MYO9B: variants seen among roughly 807,000 people sequenced by gnomAD.
MYO9B encodes myosin IXB, also known as unconventional myosin-IXb.
A neutral mutation model predicts 229.5 loss-of-function variants in MYO9B; 71 were observed. The ratio of observed to expected loss-of-function variants is 0.31; its 90% confidence interval spans 0.26 to 0.38. The LOEUF (loss-of-function observed/expected upper bound fraction) is 0.38. Among genes scored for constraint, MYO9B ranks in the 10% least tolerant of loss-of-function variants. The pLI is 1.00. For missense variants in MYO9B, 2,255 were observed against 2,920.5 expected (o/e 0.77, Z 5.25); for synonymous variants, 1,185 against 1,235.8 (o/e 0.96, Z 0.86).
intron 2 of MYO9B, among the ~76,000 whole-genome samples, chr19:17,116,820 G>A (rs1344697271): frequency 1.3e-5 from 2 of 152,050 alleles, no homozygotes; most frequent in Non-Finnish European, 2.9e-5. Context: ...AGGCTGCATT[G>A]ACCCCCAGGT....
At position 17,207,152 on chromosome 19, in the gene MYO9B, G is replaced by A; in HGVS notation, c.5532G>A (p.Gly1844=). ...AGGATGTCAACCGCATGTCACCTGG[G>A]GCGCTGGCCATTATCTTCGCACCCT... ...LLEDVNRMSP[G]ALAIIFAPCL... is the part of the protein sequence containing the mutation. Residue 1844 remains glycine (G), a synonymous_variant, in exon 35 of 40, where the codon GGG becomes GGA. Coordinates refer to ENST00000682292, the MANE Select transcript of MYO9B (RefSeq NM_004145.4). 6.2e-7 allele frequency: 1 copy of A among 1,609,038 alleles called. No individual in the cohort carries two copies. The highest frequency in any genetic ancestry group is 8.5e-7 in the Non-Finnish European group (1 of 1,178,572).
At chr19:17,156,281 G>A (rs931434416) in intron 6 of MYO9B, among the ~76,000 whole-genome samples, 9 of 152,022 alleles carry the variant, frequency 5.9e-5, no homozygotes, top group African/African-American at 1.9e-4. Context: ...AGGCATGGTG[G>A]TACAAACCTG....
At chr19:17,204,770 G>A (rs1258573434) in intron 30 of MYO9B, among the ~76,000 whole-genome samples, 1 of 152,034 alleles carries the variant, frequency 6.6e-6, no homozygotes, top group African/African-American at 2.4e-5. Context: ...GGAGGTCAAG[G>A]CTCCAGTGAG....
intron 2 of MYO9B, among the ~76,000 whole-genome samples, chr19:17,110,730 G>A (rs375703041): frequency 2.0e-4 from 31 of 152,248 alleles, no homozygotes; most frequent in African/African-American, 7.0e-4. Context: ...AGTGGGACAC[G>A]GTGACAGTGA....
chr19:17,091,037 T>C (rs1159323326), intron 1 of MYO9B, among the ~76,000 whole-genome samples: 1 of 152,164 alleles, frequency 6.6e-6, no homozygotes, highest in Non-Finnish European at 1.5e-5. Context: ...GAGAACATTC[T>C]CTGAAGCTCT....
chr19:17,198,785 C>G (rs912285217), intron 24 of MYO9B, among the ~76,000 whole-genome samples: 1 of 150,430 alleles, frequency 6.6e-6, no homozygotes, highest in African/African-American at 2.4e-5. Context: ...CTTCCTGCCT[C>G]TTCTGGCTTT....
chr19:17,093,630 ACTC>A lies in MYO9B; in HGVS notation c.-58-8027_-58-8025del, dbSNP rs1439856534. Among the ~76,000 whole-genome samples, 5 of 146,732 alleles carry A rather than the reference ACTC, an allele frequency of 3.4e-5. No individual in the cohort carries two copies. The East Asian group carries it at 1.0e-3, about 30-fold the overall frequency. On this transcript the variant is annotated intron_variant, in intron 1 of 39. Coordinates refer to ENST00000682292, the MANE Select transcript of MYO9B (RefSeq NM_004145.4). ...AGAGTAAGAAGTTTTAGAAAGATAA[ACTC>A]CTGGGGAAATGGGATCTTTTAAATC...
chr19:17,201,193 A>G (rs1399057069), intron 26 of MYO9B, among the ~76,000 whole-genome samples: 1 of 152,236 alleles, frequency 6.6e-6, no homozygotes, highest in African/African-American at 2.4e-5. Context: ...CGATCGCAGC[A>G]CTGCACTCCA....
At chr19:17,200,889 G>GC (rs2073099901) in intron 26 of MYO9B, 60 bp downstream of exon 26, 4 of 1,555,166 alleles carry the variant, frequency 2.6e-6, no homozygotes, top group Non-Finnish European at 3.5e-6. Context: ...AACCATCACA[G>GC]CCAGGCATTG....
At chr19:17,166,501 T>G (rs76128876) in intron 10 of MYO9B, among the ~76,000 whole-genome samples, 13 of 150,728 alleles carry the variant, frequency 8.6e-5, no homozygotes, top group Admixed American at 2.0e-4. Context: ...ATATTTATGT[T>G]TTTTTTTTTC....
intron 2 of MYO9B, among the ~76,000 whole-genome samples, chr19:17,137,285 G>A (rs2072283018): frequency 6.6e-6 from 1 of 151,108 alleles, no homozygotes; most frequent in African/African-American, 2.4e-5. Flanking sequence ...AGCTCCTTAA[G>A]AGACAGAAAT....
intron 5 of MYO9B, 45 bp downstream of exon 5, chr19:17,154,111 G>A (rs1443207298): frequency 3.9e-6 from 6 of 1,556,990 alleles, no homozygotes; most frequent in African/African-American, 2.7e-5. Context: ...CTCTGTTCCC[G>A]GCCTCAAGCT....
intron 2 of MYO9B, among the ~76,000 whole-genome samples, chr19:17,127,413 G>C (rs1051826573): frequency 6.7e-6 from 1 of 149,576 alleles, no homozygotes; most frequent in African/African-American, 2.5e-5. Flanking sequence ...TGCAACCTTC[G>C]CCTCCCAGGT....
intron 2 of MYO9B, among the ~76,000 whole-genome samples, chr19:17,108,324 G>A (rs931187986): frequency 1.3e-5 from 2 of 152,068 alleles, no homozygotes; most frequent in South Asian, 2.1e-4. Flanking sequence ...TTCCTGGGGC[G>A]ACTGTTTGCA....
At chr19:17,128,340 A>G (rs778005830) in intron 2 of MYO9B, among the ~76,000 whole-genome samples, 2 of 152,114 alleles carry the variant, frequency 1.3e-5, no homozygotes, top group Non-Finnish European at 2.9e-5. Flanking sequence ...GCAGTGAGCT[A>G]GGATCACACC....
chr19:17,203,099 G>A (rs2073125967), intron 29 of MYO9B, 48 bp from the exon 30 acceptor site: 16 of 1,488,016 alleles, frequency 1.1e-5, no homozygotes, highest in Non-Finnish European at 1.5e-5. Context: ...TGGCTGGGGA[G>A]GGCTGCCTTC....
intron 8 of MYO9B, among the ~76,000 whole-genome samples, chr19:17,160,436 G>T (rs1453390550): frequency 6.6e-6 from 1 of 151,960 alleles, no homozygotes; most frequent in East Asian, 1.9e-4. Flanking sequence ...ATCTGTCAGA[G>T]CTGAGACCTG....
intron 2 of MYO9B, among the ~76,000 whole-genome samples, chr19:17,111,708 A>G (rs2057849623): frequency 6.6e-6 from 1 of 152,200 alleles, no homozygotes; most frequent in Non-Finnish European, 1.5e-5. Flanking sequence ...GTGGTATGCA[A>G]CCGTCGCCTC....
chr19:17,208,825 T>C (rs2073192298), intron 35 of MYO9B, among the ~76,000 whole-genome samples: 1 of 152,258 alleles, frequency 6.6e-6, no homozygotes, highest in Non-Finnish European at 1.5e-5. Context: ...ACCACAGAGC[T>C]CACCCAACCT....
Sources: allele counts gnomAD v4.1 joint callset (sites outside exome capture counted in the v4.1 genomes callset), GRCh38; gene constraint gnomAD v4.1.1; transcripts MANE v1.5; gene names NCBI Gene and HGNC (gene_info 2026-07-23, HGNC 2026-07-21).